Variants in NKAIN3 observed in about 807,000 individuals in gnomAD.
NKAIN3 encodes the protein sodium/potassium-transporting ATPase subunit beta-1-interacting protein 3.
In NKAIN3, 25 loss-of-function variants were observed where a neutral mutation model predicts 30.2. That is an observed-to-expected ratio of 0.83 (90% CI 0.60 to 1.16). The LOEUF is 1.16. NKAIN3 is among the 50% of genes most tolerant of loss of function. The probability of loss-of-function intolerance (pLI) is 0.00; values close to 1 mark genes in which losing one functional copy is unlikely to be tolerated. For synonymous variants in NKAIN3, 91 were observed against 89.6 expected, an observed-to-expected ratio of 1.02 and a Z score of -0.09; for missense variants, 225 against 254.1, an observed-to-expected ratio of 0.89 and a Z score of 0.78.
intron 3 of NKAIN3, among the ~76,000 whole-genome samples, chr8:62,608,895 T>G (rs1811204534): frequency 6.6e-6 from 1 of 152,128 alleles, no homozygotes. Flanking sequence ...GATTTAGAAA[T>G]AGCTATGCTA....
At chr8:62,264,791 A>T (rs775136744) in intron 1 of NKAIN3, among the ~76,000 whole-genome samples, 1 of 152,130 alleles carries the variant, frequency 6.6e-6, no homozygotes, top group Non-Finnish European at 1.5e-5. Context: ...GTCCATTGTG[A>T]TGGTAAAATT....
intron 1 of NKAIN3, among the ~76,000 whole-genome samples, chr8:62,332,043 G>A (rs1253324009): frequency 2.0e-5 from 3 of 152,196 alleles, no homozygotes; most frequent in East Asian, 1.9e-4. Context: ...CTAATAGCAA[G>A]CTTTTCTACT....
chr8:62,368,577 A>AG (rs1334313589), intron 1 of NKAIN3, among the ~76,000 whole-genome samples: 2 of 152,176 alleles, frequency 1.3e-5, no homozygotes, highest in South Asian at 2.1e-4. Context: ...AAGGGCATGA[A>AG]GGGGGGCTTC....
At chr8:62,936,314 G>A (rs1822788281) in intron 5 of NKAIN3, among the ~76,000 whole-genome samples, 2 of 152,230 alleles carry the variant, frequency 1.3e-5, no homozygotes, top group Non-Finnish European at 1.5e-5. Context: ...CCACTGAGCT[G>A]TGTAAGTGAC....
At chr8:62,511,385 G>A (rs1343628683) in intron 1 of NKAIN3, among the ~76,000 whole-genome samples, 1 of 152,224 alleles carries the variant, frequency 6.6e-6, no homozygotes, top group Non-Finnish European at 1.5e-5. Context: ...ATTGCAGCCT[G>A]CCCGCTGCAG....
intron 4 of NKAIN3, among the ~76,000 whole-genome samples, chr8:62,804,976 C>A (rs1277848446): frequency 6.6e-6 from 1 of 152,132 alleles, no homozygotes. Flanking sequence ...AATAAATGTA[C>A]AAAAATCACA....
At chr8:62,918,805 C>T (rs984762199) in intron 5 of NKAIN3, among the ~76,000 whole-genome samples, 8 of 152,078 alleles carry the variant, frequency 5.3e-5, no homozygotes, top group Admixed American at 1.3e-4. Context: ...ACCATTATGC[C>T]GAGTAGACAG....
chr8:62,673,555 A>T (rs999284094), intron 3 of NKAIN3, among the ~76,000 whole-genome samples: 18 of 152,212 alleles, frequency 1.2e-4, no homozygotes, highest in Admixed American at 1.2e-3. Flanking sequence ...GGAGCTAGCT[A>T]TAGTCATGCA....
intron 1 of NKAIN3, among the ~76,000 whole-genome samples, chr8:62,338,027 A>G (rs1310994041): frequency 6.6e-6 from 1 of 152,028 alleles, no homozygotes. Context: ...GGCTTCTTTG[A>G]TAGAATATAT....
chr8:62,721,660 G>GA (rs1379833768), intron 3 of NKAIN3, among the ~76,000 whole-genome samples: 7 of 152,028 alleles, frequency 4.6e-5, no homozygotes, highest in African/African-American at 9.7e-5. Context: ...ATATGAACAA[G>GA]AAAAAAATAT....
chr8:62,846,490 C>T (rs1188149029), intron 4 of NKAIN3, among the ~76,000 whole-genome samples: 2 of 152,052 alleles, frequency 1.3e-5, no homozygotes, highest in Non-Finnish European at 2.9e-5. Flanking sequence ...TCATCCCCCA[C>T]CCTCCAACAG....
At chr8:62,459,777 G>A (rs1227497587) in intron 1 of NKAIN3, among the ~76,000 whole-genome samples, 6 of 152,154 alleles carry the variant, frequency 3.9e-5, no homozygotes, top group Admixed American at 1.3e-4. Context: ...CTCAGAGCAA[G>A]CAGGCCAGGA....
intron 4 of NKAIN3, among the ~76,000 whole-genome samples, chr8:62,865,833 G>A (rs996927696): frequency 2.0e-5 from 3 of 152,180 alleles, no homozygotes; most frequent in Middle Eastern, 3.4e-3. Context: ...CATGGGAGGG[G>A]GGCTCAAATT....
At chr8:62,459,807 G>A (rs1470987099) in intron 1 of NKAIN3, among the ~76,000 whole-genome samples, 2 of 152,170 alleles carry the variant, frequency 1.3e-5, no homozygotes, top group Non-Finnish European at 2.9e-5. Context: ...GGAGTAAAGA[G>A]TAAACAGAGA....
intron 3 of NKAIN3, among the ~76,000 whole-genome samples, chr8:62,746,409 T>C (rs938387426): frequency 9.2e-5 from 14 of 152,214 alleles, no homozygotes; most frequent in Non-Finnish European, 1.9e-4. Context: ...AATTCACAGG[T>C]TCCAAGGATT....
intron 4 of NKAIN3, among the ~76,000 whole-genome samples, chr8:62,826,841 G>C (rs569820397): frequency 6.6e-6 from 1 of 152,188 alleles, no homozygotes; most frequent in Non-Finnish European, 1.5e-5. Context: ...GAGACATGCT[G>C]AATTGTAATG....
intron 3 of NKAIN3, among the ~76,000 whole-genome samples, chr8:62,717,856 C>A (rs985740465): frequency 3.3e-5 from 5 of 152,094 alleles, no homozygotes; most frequent in African/African-American, 9.7e-5. Flanking sequence ...TATTTCTTAG[C>A]GTCCTTAACC....
chr8:62,819,167 A>ATATATAT (rs1818778969), intron 4 of NKAIN3, among the ~76,000 whole-genome samples: 1 of 139,558 alleles, frequency 7.2e-6, no homozygotes, highest in African/African-American at 2.6e-5. Context: ...ATATATATAT[A>ATATATAT]ATTGTTATTT....
intron 3 of NKAIN3, among the ~76,000 whole-genome samples, chr8:62,611,164 T>A (rs1387644655): frequency 1.3e-5 from 2 of 152,146 alleles, no homozygotes; most frequent in East Asian, 3.9e-4. Flanking sequence ...TTCTTCTAAT[T>A]TCTTTTTTAA....
Sources: allele counts gnomAD v4.1 joint callset (sites outside exome capture counted in the v4.1 genomes callset), GRCh38; gene constraint gnomAD v4.1.1; transcripts MANE v1.5; gene names NCBI Gene and HGNC (gene_info 2026-07-23, HGNC 2026-07-21).